The following CSMD2 variants were observed in gnomAD, a reference collection of about 807,000 sequenced individuals.
CSMD2 encodes the protein CUB and Sushi multiple domains 2.
In CSMD2, 130 loss-of-function variants were observed where a neutral mutation model predicts 398.5. The observed-to-expected ratio is 0.33, with a 90% CI of 0.28 to 0.38. The LOEUF is 0.38. CSMD2 is among the 10% of genes least tolerant of loss of function. The probability of loss-of-function intolerance (pLI) is 1.00; values close to 1 mark genes in which losing one functional copy is unlikely to be tolerated. For synonymous variants in CSMD2, 1,828 were observed against 1,908.5 expected (o/e 0.96, Z 1.10); for missense variants, 3,829 against 4,764.9 (o/e 0.80, Z 5.78).
chr1:33,583,734 C>G lies in CSMD2; in HGVS notation c.7148G>C (p.Trp2383Ser). The G allele has an allele frequency of 1.2e-6, 2 of 1,614,228 alleles. No individual in the cohort carries two copies. The highest frequency in any genetic ancestry group is 8.5e-7 in the Non-Finnish European group (1 of 1,180,032). Reference sequence around the variant, plus strand: ...ATAGTCGGGCTCCACTCTCACCAGCCAAGAGCAGGTCTGGAACTGGGGATA... The same window carrying G: ...ATAGTCGGGCTCCACTCTCACCAGCGAAGAGCAGGTCTGGAACTGGGGATA... The part of the protein sequence containing the change: ...GSYPQFQTCS[W>S]LVRVEPDYNI... The change falls in exon 47 of 71, where the codon TGG (tryptophan) becomes TCG (serine). Residue 2383 changes from tryptophan to serine, a missense_variant. Around this residue, in one of 5 missense-constraint regions of CSMD2, gnomAD observed 723 missense variants for 758.6 expected, o/e 0.95. Coordinates refer to ENST00000373381, the MANE Select transcript of CSMD2 (RefSeq NM_001281956.2).
At chr1:33,832,743 T>C (rs78107266) in intron 6 of CSMD2, among the ~76,000 whole-genome samples, 117,351 of 149,754 alleles carry the variant, frequency 0.78, 46,815 homozygotes, top group East Asian at 0.94. Flanking sequence ...ACAAAATTGA[T>C]AGACCGCTAG....
intron 4 of CSMD2, among the ~76,000 whole-genome samples, chr1:33,920,600 G>A (rs1007731819): frequency 1.3e-5 from 2 of 151,362 alleles, no homozygotes; most frequent in Admixed American, 1.3e-4. Context: ...GAAGAAGGAG[G>A]AAAGTGGCAG....
chr1:33,783,351 T>C (rs1479955617), intron 12 of CSMD2, among the ~76,000 whole-genome samples: 1 of 151,578 alleles, frequency 6.6e-6, no homozygotes, highest in Non-Finnish European at 1.5e-5. Context: ...GTAATTAAGG[T>C]TAAATGAGGT....
intron 53 of CSMD2, 82 bp downstream of exon 53, chr1:33,567,511 T>C: frequency 3.2e-6 from 4 of 1,231,062 alleles, no homozygotes; most frequent in Non-Finnish European, 4.6e-6. Flanking sequence ...AACAAACCTC[T>C]AGCTAATCTA....
At chr1:33,833,055 C>T (rs1317597742) in intron 6 of CSMD2, among the ~76,000 whole-genome samples, 3 of 143,738 alleles carry the variant, frequency 2.1e-5, no homozygotes, top group Middle Eastern at 3.3e-3. Context: ...GATTCACAGC[C>T]GAATTCTACC....
At chr1:33,732,807 A>T (rs976785683) in intron 15 of CSMD2, among the ~76,000 whole-genome samples, 1 of 152,362 alleles carries the variant, frequency 6.6e-6, no homozygotes, top group East Asian at 1.9e-4. Flanking sequence ...AATAGAATAC[A>T]GAGAACAAAT....
chr1:33,554,687 T>C (rs998333711), intron 55 of CSMD2, among the ~76,000 whole-genome samples: 1 of 152,202 alleles, frequency 6.6e-6, no homozygotes, highest in East Asian at 1.9e-4. Flanking sequence ...GCTCTGCTTG[T>C]GCTCTATAAA....
Position 33,542,876 on chromosome 1 carries a change from C to G in CSMD2, c.9121G>C (p.Gly3041Arg). ...ACAACTCGGGCATTACTTGGAGTCC[C>G]AGGGTTCCCACAAGAGATCACTAGG... ...ECGVISCGNPGTPSNARVVFS... is the reference protein window; with the variant it reads ...ECGVISCGNPRTPSNARVVFS... The change falls in exon 58 of 71, where the codon GGG becomes CGG. Residue 3041 changes from glycine to arginine, a missense_variant. By Grantham distance (125) the Gly-to-Arg change is moderately radical (BLOSUM62 -2). Around this residue, in one of 5 missense-constraint regions of CSMD2, gnomAD observed 917 missense variants for 1,199.5 expected, o/e 0.76. Transcript: ENST00000373381. 1 of 1,614,156 alleles carries G rather than the reference C, an allele frequency of 6.2e-7. No individual in the cohort carries two copies. Among genetic ancestry groups the G allele is most frequent in the Non-Finnish European group, 8.5e-7 (1 of 1,180,012 alleles).
intron 3 of CSMD2, among the ~76,000 whole-genome samples, chr1:33,953,726 GC>G (rs2125376023): frequency 6.6e-6 from 1 of 152,274 alleles, no homozygotes; most frequent in East Asian, 1.9e-4. Context: ...TCACCTGACA[GC>G]CCCATTCCAA....
chr1:34,065,194 T>C (rs2148277568), intron 2 of CSMD2, among the ~76,000 whole-genome samples: 1 of 152,144 alleles, frequency 6.6e-6, no homozygotes, highest in Admixed American at 6.5e-5. Context: ...ACTCTGAGAG[T>C]GTCTTACAGA....
rs1158959506 is a variant in CSMD2, at chr1:33,569,225, G to C, written c.8131+149C>G. On this transcript the variant is annotated intron_variant, in intron 52 of 70. Coordinates refer to ENST00000373381, the MANE Select transcript of CSMD2 (RefSeq NM_001281956.2). Reference sequence around the variant, plus strand: ...GAAGCTGTTCCAGGGTTTTAGTCATGCCTGATGGCCAATAGTTGGTGTTTG... The same window carrying C: ...GAAGCTGTTCCAGGGTTTTAGTCATCCCTGATGGCCAATAGTTGGTGTTTG... 4.7e-5 allele frequency: 37 copies of C among 785,476 alleles called. No homozygotes were observed. The East Asian group carries it at 1.0e-3, about 21-fold the overall frequency. The allele number at this position is 785,476 out of a possible 1,614,324, so 48.7% of individuals were successfully genotyped here.
chr1:33,633,386 C>T lies in CSMD2; in HGVS notation c.5200+36G>A, dbSNP rs1642585922. 3 of 1,480,468 alleles carry T rather than the reference C, an allele frequency of 2.0e-6. No individual in the cohort carries two copies. Among genetic ancestry groups the T allele is most frequent in the South Asian group, 2.4e-5 (2 of 82,600 alleles). The allele number at this position is 1,480,468 out of a possible 1,614,324, so 91.7% of individuals were successfully genotyped here. A position where few individuals can be genotyped will look rare whatever the true frequency, so the allele number is the denominator to read the frequency against. ...TTTAGCCGGACGTGATGCCCCCGGC[C>T]CACAACCATCCCCACACTGGCCGAG... On this transcript the variant is annotated intron_variant, in intron 32 of 70. Transcript: ENST00000373381. This position sits in a 1 kb window ranked among gnomAD's most constrained non-coding sequence, Gnocchi z 5.0.
At chr1:33,945,085 A>G (rs962945342) in intron 3 of CSMD2, among the ~76,000 whole-genome samples, 1 of 152,148 alleles carries the variant, frequency 6.6e-6, no homozygotes, top group Non-Finnish European at 1.5e-5. Context: ...CTGTCAGAAC[A>G]GAACTCTCCT....
chr1:33,936,027 T>A, intron 3 of CSMD2, 73 bp from the exon 4 acceptor site: 2 of 1,359,650 alleles, frequency 1.5e-6, no homozygotes, highest in Non-Finnish European at 2.0e-6. Flanking sequence ...GGCTTCCTAG[T>A]AGCAACTCCC....
chr1:33,587,262 A>C lies in CSMD2; in HGVS notation c.6857-94T>G, dbSNP rs1042449242. On this transcript the variant is annotated intron_variant, in intron 44 of 70. Transcript: ENST00000373381. Reference sequence around the variant, plus strand: ...TCAATTCTTCACTTTCTCATCCCTCATTTATTCACACACAGATATTCATGA... The same window carrying C: ...TCAATTCTTCACTTTCTCATCCCTCCTTTATTCACACACAGATATTCATGA... The C allele has an allele frequency of 8.5e-6, 8 of 940,330 alleles. No individual in the cohort carries two copies. In the African/African-American group the frequency reaches 1.3e-4, roughly 16 times the overall value. The allele number at this position is 940,330 out of a possible 1,614,324, so 58.2% of individuals were successfully genotyped here.
At position 33,624,973 on chromosome 1, in the gene CSMD2, G is replaced by T. The variant is rs2148883849; in HGVS notation, c.5500+78C>A. 1 of 1,431,100 alleles carries T rather than the reference G, an allele frequency of 7.0e-7. No homozygotes were observed. Among genetic ancestry groups the T allele is most frequent in the Non-Finnish European group, 9.8e-7 (1 of 1,020,846 alleles). The allele number at this position is 1,431,100 out of a possible 1,614,324, so 88.7% of individuals were successfully genotyped here. On this transcript the variant is annotated intron_variant, in intron 34 of 70. Coordinates refer to ENST00000373381, the MANE Select transcript of CSMD2 (RefSeq NM_001281956.2). This position sits in a 1 kb window ranked among gnomAD's most constrained non-coding sequence, Gnocchi z 4.7. ...TGCTGTGTGTCGTGGGGCATCACTGGGGCTGACTGCCTCCCCTACAGAGAA... is the reference window on the plus strand; with the variant it reads ...TGCTGTGTGTCGTGGGGCATCACTGTGGCTGACTGCCTCCCCTACAGAGAA...
chr1:34,059,677 G>A (rs1206570245), intron 2 of CSMD2, among the ~76,000 whole-genome samples: 1 of 152,088 alleles, frequency 6.6e-6, no homozygotes, highest in African/African-American at 2.4e-5. Context: ...TCAGTGGCTG[G>A]CCCCTAACAG....
In CSMD2 at chr1:33,693,028, C is replaced by T. The variant is rs1205796883; in HGVS notation, c.3954G>A (p.Glu1318=). The T allele has an allele frequency of 1.2e-6, 2 of 1,602,286 alleles. No individual in the cohort carries two copies. The highest frequency in any genetic ancestry group is 4.6e-5 in the East Asian group (2 of 43,444). The change falls in exon 25 of 71, where the codon GAG becomes GAA. Residue 1318 remains glutamate (E), a synonymous_variant. Coordinates refer to ENST00000373381, the MANE Select transcript of CSMD2 (RefSeq NM_001281956.2). ...VAECGGTVRG[E]VSGQVLSPGY... The stretch of plus-strand genomic sequence containing the variant: ...CGGGTGACAGCACCTGCCCCGACAC[C>T]TCTCCTCTCACTGTCCCTCCACACT...
chr1:33,696,090 G>A (rs1226543962), intron 24 of CSMD2, among the ~76,000 whole-genome samples: 1 of 152,150 alleles, frequency 6.6e-6, no homozygotes, highest in South Asian at 2.1e-4. Context: ...GATGCTTAAC[G>A]TTTATTGAAT....
Sources: gnomAD v4.1 joint callset for allele counts (sites outside exome capture counted in the v4.1 genomes callset) on GRCh38, gnomAD v4.1.1 for gene constraint, gnomAD v4.1.1 regional missense constraint, Gnocchi (gnomAD v3.1) non-coding constraint, MANE v1.5 for transcripts, NCBI Gene and HGNC (gene_info 2026-07-23, HGNC 2026-07-21) for gene names.